The following TRAK1 variants were observed in gnomAD, a reference collection of about 807,000 sequenced individuals.
The protein encoded by TRAK1 is trafficking kinesin protein 1.
Under a neutral mutation model 92.1 loss-of-function variants are expected in TRAK1, and 33 were observed. The observed-to-expected ratio is 0.36, with a 90% CI of 0.27 to 0.48. TRAK1 has a LOEUF of 0.48. TRAK1 is among the 20% of genes least tolerant of loss of function. TRAK1 has a pLI of 0.99. For synonymous variants in TRAK1, 521 were observed against 517.3 expected, an observed-to-expected ratio of 1.01 and a Z score of -0.10; for missense variants, 1,123 against 1,257.9, an observed-to-expected ratio of 0.89 and a Z score of 1.62.
At chr3:42,135,632 A>G (rs2149192587) in intron 2 of TRAK1, among the ~76,000 whole-genome samples, 1 of 152,356 alleles carries the variant, frequency 6.6e-6, no homozygotes, top group Admixed American at 6.5e-5. Flanking sequence ...TGGGAGTTTT[A>G]CTTTCGGCCT....
intron 1 of TRAK1, among the ~76,000 whole-genome samples, chr3:42,095,675 T>C (rs1252426365): frequency 6.6e-6 from 1 of 152,182 alleles, no homozygotes; most frequent in Non-Finnish European, 1.5e-5. Context: ...TACCTTATTC[T>C]TTAAAATAGC....
Position 42,197,000 on chromosome 3 carries a change from T to TCACACACACACA in TRAK1, c.1113+2060_1113+2061insACACACACACAC, listed in dbSNP as rs60649090. Among the ~76,000 whole-genome samples, 315 of 131,136 alleles carry TCACACACACACA rather than the reference T, an allele frequency of 2.4e-3. 3 individuals carry two copies. Among genetic ancestry groups the TCACACACACACA allele is most frequent in the African/African-American group, 8.6e-3 (297 of 34,472 alleles). The allele number at this position is 131,136 out of a possible 152,430, so 86.0% of individuals were successfully genotyped here. A position where few individuals can be genotyped will look rare whatever the true frequency, so the allele number is the denominator to read the frequency against. On this transcript the variant is annotated intron_variant, in intron 10 of 15. Transcript: ENST00000327628. ...CTTTCTCTTTCTCTCTCTCTCTCTC[T>TCACACACACACA]CTCACACACACACACACACACACAC...
At chr3:42,121,834 TA>T (rs199871613) in intron 1 of TRAK1, among the ~76,000 whole-genome samples, 1 of 151,940 alleles carries the variant, frequency 6.6e-6, no homozygotes, top group African/African-American at 2.4e-5. Context: ...GTTTTTTTTT[TA>T]AAAACAGAGT....
chr3:42,053,473 G>T (rs1382748440), intron 1 of TRAK1, among the ~76,000 whole-genome samples: 1 of 151,858 alleles, frequency 6.6e-6, no homozygotes, highest in Non-Finnish European at 1.5e-5. Context: ...AGCCTTCTTG[G>T]GGGAGCTGGG....
intron 1 of TRAK1, among the ~76,000 whole-genome samples, chr3:42,093,983 C>T (rs948074435): frequency 1.3e-5 from 2 of 151,998 alleles, no homozygotes; most frequent in Non-Finnish European, 2.9e-5. Context: ...GGATTACAGG[C>T]GTGAGCCGCC....
chr3:42,186,038 A>G (rs1478734800), intron 4 of TRAK1, among the ~76,000 whole-genome samples: 2 of 136,008 alleles, frequency 1.5e-5, no homozygotes, highest in African/African-American at 5.7e-5. Flanking sequence ...GCTAGAGTGC[A>G]GTCGTGAGAT....
intron 15 of TRAK1, among the ~76,000 whole-genome samples, chr3:42,222,517 G>A (rs1007152746): frequency 1.1e-4 from 16 of 152,198 alleles, no homozygotes; most frequent in African/African-American, 3.4e-4. Flanking sequence ...GTACTAAGAA[G>A]GAATGCTGGA....
At chr3:42,197,188 A>AT (rs1706844650) in intron 10 of TRAK1, among the ~76,000 whole-genome samples, 1 of 151,822 alleles carries the variant, frequency 6.6e-6, no homozygotes, top group Non-Finnish European at 1.5e-5. Context: ...CCTGCATGTG[A>AT]CTTTTTCTCA....
chr3:42,170,980 C>T (rs1203319733), intron 2 of TRAK1, among the ~76,000 whole-genome samples: 2 of 152,068 alleles, frequency 1.3e-5, no homozygotes, highest in Non-Finnish European at 2.9e-5. Flanking sequence ...CCTGCCACCA[C>T]ACCCTGCTAA....
At chr3:42,082,486 T>C (rs371954817), upstream of TRAK1, among the ~76,000 whole-genome samples, 3 of 152,148 alleles carry the variant, frequency 2.0e-5, no homozygotes, top group East Asian at 5.8e-4. Flanking sequence ...TAGTCTCAGC[T>C]ACTTGGGAGA....
intron 1 of TRAK1, among the ~76,000 whole-genome samples, chr3:42,055,573 C>G (rs777800538): frequency 1.2e-4 from 18 of 152,188 alleles, no homozygotes; most frequent in African/African-American, 3.6e-4. Flanking sequence ...GGCAATCCTC[C>G]CATATCAGCT....
intron 2 of TRAK1, among the ~76,000 whole-genome samples, chr3:42,169,235 G>A (rs183727060): frequency 1.1e-3 from 160 of 146,112 alleles, no homozygotes; most frequent in African/African-American, 3.6e-3. Context: ...TGGTATTTTC[G>A]TGTGTTTTTT....
At chr3:42,018,721 T>G (rs1359008350) in intron 1 of TRAK1, among the ~76,000 whole-genome samples, 1 of 152,216 alleles carries the variant, frequency 6.6e-6, no homozygotes, top group East Asian at 1.9e-4. Flanking sequence ...ATAACATGAT[T>G]ATGTTGATTA....
At chr3:42,145,468 G>A (rs1252722657) in intron 2 of TRAK1, among the ~76,000 whole-genome samples, 1 of 147,882 alleles carries the variant, frequency 6.8e-6, no homozygotes, top group African/African-American at 2.5e-5. Context: ...TTGGACAACA[G>A]AGTGAGACTC....
chr3:42,081,525 A>G (rs1249638043), intron 1 of TRAK1, among the ~76,000 whole-genome samples: 1 of 152,204 alleles, frequency 6.6e-6, no homozygotes, highest in Non-Finnish European at 1.5e-5. Flanking sequence ...AGGAGCACAC[A>G]ATTTTTTGGG....
rs1382077032 is a variant in TRAK1 at position 42,200,886 on chromosome 3, C to T, written c.1259C>T (p.Pro420Leu). 1 of 1,614,200 alleles carries T rather than the reference C, an allele frequency of 6.2e-7. No individual in the cohort carries two copies. The highest frequency in any genetic ancestry group is 1.1e-5 in the South Asian group (1 of 91,076). Residue 420 changes from proline to leucine, a missense_variant, in exon 12 of 16, where the codon CCT (proline) becomes CTT (leucine). By Grantham distance (98) the Pro-to-Leu change is moderately conservative. Coordinates refer to ENST00000327628, the MANE Select transcript of TRAK1 (RefSeq NM_001042646.3). ...NQVVKQRSLTPSPMNIPGSNQ... is the reference protein window; with the variant it reads ...NQVVKQRSLTLSPMNIPGSNQ... Reference sequence around the variant, plus strand: ...GTTGTCAAGCAGAGATCTCTGACCCCTTCTCCCATGAACATCCCCGGCTCC... The same window carrying T: ...GTTGTCAAGCAGAGATCTCTGACCCTTTCTCCCATGAACATCCCCGGCTCC...
chr3:42,189,239 GC>G lies in TRAK1; in HGVS notation c.690+116del, dbSNP rs533262478. ...CCTCAAAGCTGGCAGTCTGTGAAGA[GC>G]TGTACCAGGCGCTCGGCAGATGTGC... On this transcript the variant is annotated intron_variant, in intron 6 of 15. Transcript: ENST00000327628. 1.8e-4 allele frequency: 131 copies of G among 732,574 alleles called. No individual in the cohort carries two copies. The East Asian group carries it at 3.2e-3, about 18-fold the overall frequency. The allele number at this position is 732,574 out of a possible 1,614,324, so 45.4% of individuals were successfully genotyped here.
At chr3:42,151,085 G>C (rs563398518) in intron 2 of TRAK1, among the ~76,000 whole-genome samples, 1 of 152,200 alleles carries the variant, frequency 6.6e-6, no homozygotes, top group Non-Finnish European at 1.5e-5. Flanking sequence ...CTGTACCATT[G>C]GATTAGGGAG....
At chr3:42,123,490 G>A (rs576211723) in intron 1 of TRAK1, among the ~76,000 whole-genome samples, 2 of 152,360 alleles carry the variant, frequency 1.3e-5, no homozygotes, top group Admixed American at 1.3e-4. Flanking sequence ...CCTCCCGTGT[G>A]GAGCACCCCA....
Sources: gnomAD v4.1 joint callset for allele counts (sites outside exome capture counted in the v4.1 genomes callset) on GRCh38, gnomAD v4.1.1 for gene constraint, MANE v1.5 for transcripts, NCBI Gene and HGNC (gene_info 2026-07-23, HGNC 2026-07-21) for gene names.